NRXN1: variants seen among roughly 807,000 people sequenced by gnomAD.
NRXN1 encodes neurexin 1.
NRXN1 carries 39 observed loss-of-function variants against 150.9 expected under a neutral mutation model. The observed-to-expected ratio is 0.26, with a 90% CI of 0.20 to 0.34. The LOEUF (loss-of-function observed/expected upper bound fraction) is 0.34. Ranked by LOEUF, NRXN1 falls within the 10% of genes least tolerant of loss-of-function variation. The pLI, the probability that NRXN1 is intolerant of heterozygous loss-of-function variation, is 1.00. For missense variants in NRXN1, 1,815 were observed against 1,949.9 expected (o/e 0.93, Z 1.30); for synonymous variants, 924 against 757.0 (o/e 1.22, Z -3.62).
At chr2:49,987,118 A>G (rs1209741841) in intron 21 of NRXN1, among the ~76,000 whole-genome samples, 1 of 152,082 alleles carries the variant, frequency 6.6e-6, no homozygotes, top group Admixed American at 6.6e-5. Context: ...ACTAGGACTT[A>G]TTCCTCCTTA....
At chr2:50,678,179 A>G (rs1689816740) in intron 5 of NRXN1, among the ~76,000 whole-genome samples, 1 of 152,120 alleles carries the variant, frequency 6.6e-6, no homozygotes, top group Non-Finnish European at 1.5e-5. Context: ...TAAACTAAGC[A>G]CTGCATCTGG....
intron 18 of NRXN1, among the ~76,000 whole-genome samples, chr2:50,148,052 A>G (rs772407569): frequency 3.3e-5 from 5 of 151,716 alleles, no homozygotes; most frequent in Non-Finnish European, 7.4e-5. Context: ...GTGCTTGCTG[A>G]CTGTCAGATG....
Position 50,506,609 on chromosome 2 carries a change from G to A in NRXN1, c.2383C>T (p.Pro795Ser). The A allele has an allele frequency of 1.9e-6, 3 of 1,613,130 alleles. No homozygotes were observed. Among genetic ancestry groups the A allele is most frequent in the Non-Finnish European group, 2.5e-6 (3 of 1,179,402 alleles). ...IRINCNSSKGPETLFAGYNLN... is the reference protein window; with the variant it reads ...IRINCNSSKGSETLFAGYNLN... ...TTATAGCCAGCAAAAAGAGTCTCGG[G>A]ACCTTTGCCTGTAGAATATGCCAAA... Residue 795 changes from proline (P) to serine (S), a missense_variant, in exon 13 of 23, where the codon CCC becomes TCC. Pro to Ser is a moderately conservative substitution (Grantham distance 74). Around this residue, in one of 6 missense-constraint regions of NRXN1, gnomAD observed 638 missense variants for 652.6 expected, o/e 0.98. Coordinates refer to ENST00000401669, the MANE Select transcript of NRXN1 (RefSeq NM_001330078.2).
chr2:50,353,630 A>G (rs1572648955), intron 17 of NRXN1, among the ~76,000 whole-genome samples: 1 of 152,124 alleles, frequency 6.6e-6, no homozygotes, highest in African/African-American at 2.4e-5. Flanking sequence ...TAAATATGTT[A>G]TTATTCTTTA....
chr2:50,908,565 A>G (rs1299754499), intron 5 of NRXN1, among the ~76,000 whole-genome samples: 1 of 152,078 alleles, frequency 6.6e-6, no homozygotes, highest in Non-Finnish European at 1.5e-5. Context: ...GAAGGAGACA[A>G]CCAGCAAAGA....
At chr2:50,290,304 C>A (rs1574948795) in intron 17 of NRXN1, among the ~76,000 whole-genome samples, 1 of 152,218 alleles carries the variant, frequency 6.6e-6, no homozygotes, top group African/African-American at 2.4e-5. Flanking sequence ...CTCTTTTTCA[C>A]CAGCTGCTAA....
intron 8 of NRXN1, chr2:50,616,534 T>C (rs1191295760): frequency 6.6e-6 from 1 of 152,186 alleles, no homozygotes; most frequent in Non-Finnish European, 1.5e-5. Flanking sequence ...GTGAGAGTGA[T>C]ATTTTTATGC....
intron 18 of NRXN1, among the ~76,000 whole-genome samples, chr2:50,097,374 C>T (rs1700359572): frequency 6.6e-6 from 1 of 152,138 alleles, no homozygotes; most frequent in Admixed American, 6.5e-5. Context: ...AATGCTCTCT[C>T]TATGCTTGTA....
At chr2:50,648,009 T>C (rs1488876750) in intron 5 of NRXN1, among the ~76,000 whole-genome samples, 3 of 151,970 alleles carry the variant, frequency 2.0e-5, no homozygotes, top group Non-Finnish European at 4.4e-5. Context: ...TAAACCTTTG[T>C]GTACTTTCCC....
In NRXN1 at chr2:50,531,429, C is replaced by T; in HGVS notation, c.2145G>A (p.Glu715=). ...TCCCATCATAGCTCAAAACCGTTGC[C>T]TCTAGAGATGGAAAATGAATATGAT... is the stretch of plus-strand genomic sequence containing the variant. ...TGYLGRSCER[E]ATVLSYDGSM... is the part of the protein sequence containing the mutation. The change falls in exon 11 of 23, where the codon GAG becomes GAA. Residue 715 remains glutamate (E), a splice_region_variant and synonymous_variant. Transcript: ENST00000401669. 1.9e-6 allele frequency: 3 copies of T among 1,608,502 alleles called. No individual in the cohort carries two copies. The highest frequency in any genetic ancestry group is 2.5e-6 in the Non-Finnish European group (3 of 1,177,138).
At chr2:50,554,393 A>G (rs1001926195) in intron 8 of NRXN1, 3 of 152,306 alleles carry the variant, frequency 2.0e-5, no homozygotes, top group Admixed American at 1.3e-4. Flanking sequence ...TTTTCAGAGT[A>G]ATTAAGAGTA....
At chr2:50,782,476 C>A (rs1704490792) in intron 5 of NRXN1, among the ~76,000 whole-genome samples, 1 of 151,996 alleles carries the variant, frequency 6.6e-6, no homozygotes, top group African/African-American at 2.4e-5. Context: ...CTCAAACAAA[C>A]AAACAAACAA....
intron 2 of NRXN1, among the ~76,000 whole-genome samples, chr2:50,943,261 T>C (rs1050727926): frequency 6.6e-6 from 1 of 152,178 alleles, no homozygotes; most frequent in African/African-American, 2.4e-5. Flanking sequence ...CTTACAGCAG[T>C]GTAAAAATAA....
intron 5 of NRXN1, among the ~76,000 whole-genome samples, chr2:50,748,008 C>T (rs567096457): frequency 1.1e-4 from 16 of 152,270 alleles, no homozygotes; most frequent in African/African-American, 2.9e-4. Flanking sequence ...TGAGCTGCAC[C>T]TAGCATGCAC....
At chr2:50,429,712 T>C (rs754196192) in intron 17 of NRXN1, among the ~76,000 whole-genome samples, 1 of 152,124 alleles carries the variant, frequency 6.6e-6, no homozygotes, top group Non-Finnish European at 1.5e-5. Context: ...TTTGTATGTA[T>C]TACCTAATAT....
intron 5 of NRXN1, among the ~76,000 whole-genome samples, chr2:50,818,882 A>G (rs1242428180): frequency 6.6e-6 from 1 of 152,170 alleles, no homozygotes; most frequent in Non-Finnish European, 1.5e-5. Context: ...TCCAAGAAAT[A>G]CAAATGGCCA....
At chr2:49,931,712 C>A (rs184580925) in intron 22 of NRXN1, among the ~76,000 whole-genome samples, 1 of 152,086 alleles carries the variant, frequency 6.6e-6, no homozygotes, top group African/African-American at 2.4e-5. Flanking sequence ...TGTTTTTCCT[C>A]AAAATGTATT....
chr2:50,479,774 T>TTTC (rs1553673265), intron 15 of NRXN1, among the ~76,000 whole-genome samples: 1 of 129,292 alleles, frequency 7.7e-6, no homozygotes, highest in Non-Finnish European at 1.6e-5. Context: ...TTTCTTTTTT[T>TTTC]TTTTTTTTTT....
At chr2:50,134,214 T>C (rs555424323) in intron 18 of NRXN1, among the ~76,000 whole-genome samples, 35 of 149,670 alleles carry the variant, frequency 2.3e-4, no homozygotes, top group Admixed American at 1.0e-3. Flanking sequence ...ATGACATTTT[T>C]TGAAAAGCAA....
Sources: gnomAD v4.1 joint callset for allele counts (sites outside exome capture counted in the v4.1 genomes callset) on GRCh38, gnomAD v4.1.1 for gene constraint, gnomAD v4.1.1 regional missense constraint, MANE v1.5 for transcripts, NCBI Gene and HGNC (gene_info 2026-07-23, HGNC 2026-07-21) for gene names.